Variants in SPNS3 observed in about 807,000 individuals in gnomAD.
The protein encoded by SPNS3 is SPNS lysolipid transporter 3, sphingosine-1-phosphate (putative).
Under a neutral mutation model 54.4 loss-of-function variants are expected in SPNS3, and 51 were observed. The observed-to-expected ratio is 0.94, with a 90% CI of 0.75 to 1.18. The LOEUF (loss-of-function observed/expected upper bound fraction) is 1.18. Among genes scored for constraint, SPNS3 ranks in the 50% most tolerant of loss-of-function variants. The pLI is 0.00. For synonymous variants in SPNS3, 309 were observed against 294.7 expected, an observed-to-expected ratio of 1.05 and a Z score of -0.50; for missense variants, 669 against 677.4, an observed-to-expected ratio of 0.99 and a Z score of 0.14.
At chr17:4,473,180 G>A (rs1971904050) in intron 8 of SPNS3, among the ~76,000 whole-genome samples, 1 of 151,976 alleles carries the variant, frequency 6.6e-6, no homozygotes. Flanking sequence ...GCTTCTGTGT[G>A]GGAACTCAAG....
chr17:4,467,959 C>T (rs9916358), intron 8 of SPNS3, among the ~76,000 whole-genome samples: 10,278 of 152,278 alleles, frequency 0.067, 1,046 homozygotes, highest in African/African-American at 0.23. Flanking sequence ...GCATGGGCGA[C>T]GGCGCCTGGC....
intron 8 of SPNS3, among the ~76,000 whole-genome samples, chr17:4,454,927 T>TA (rs1971265623): frequency 6.7e-6 from 1 of 148,778 alleles, no homozygotes; most frequent in Non-Finnish European, 1.5e-5. Context: ...CCAGCCTTTT[T>TA]TTTTGAGACT....
intron 1 of SPNS3, among the ~76,000 whole-genome samples, chr17:4,438,653 G>A (rs746336147): frequency 3.9e-5 from 6 of 152,230 alleles, no homozygotes; most frequent in Non-Finnish European, 5.9e-5. Context: ...GCCAGGACAC[G>A]TTCGTCTTTT....
intron 9 of SPNS3, among the ~76,000 whole-genome samples, chr17:4,481,584 G>C (rs1171627651): frequency 6.6e-6 from 1 of 152,212 alleles, no homozygotes; most frequent in Non-Finnish European, 1.5e-5. Flanking sequence ...GTTGGAGCCT[G>C]TGGGTTAGGT....
intron 8 of SPNS3, among the ~76,000 whole-genome samples, chr17:4,460,242 T>G (rs1971460145): frequency 6.6e-6 from 1 of 152,034 alleles, no homozygotes. Context: ...GAGATGGAGT[T>G]TTGTTCTAAG....
At chr17:4,470,041 A>C (rs1306972510) in intron 8 of SPNS3, among the ~76,000 whole-genome samples, 1 of 152,198 alleles carries the variant, frequency 6.6e-6, no homozygotes, top group Non-Finnish European at 1.5e-5. Flanking sequence ...GTGTCTCTCT[A>C]TACATTCACA....
At chr17:4,467,708 G>T (rs117409397) in intron 8 of SPNS3, among the ~76,000 whole-genome samples, 1 of 152,100 alleles carries the variant, frequency 6.6e-6, no homozygotes, top group African/African-American at 2.4e-5. Flanking sequence ...TCGCTCTGTC[G>T]CCCACGCTGG....
rs1396355474 is a variant in SPNS3 at position 4,483,354 on chromosome 17, G to A, written c.1180-2874G>A. The stretch of plus-strand genomic sequence containing the variant: ...TGGGAACCCAAAGCCTCTTATTTCT[G>A]AAATTACCCCCTGGGCTCTCCAGCT... On this transcript the variant is annotated intron_variant, in intron 9 of 11. Coordinates refer to ENST00000355530, the MANE Select transcript of SPNS3 (RefSeq NM_182538.5). The surrounding 1 kb of genome is among the most constrained non-coding windows in gnomAD (Gnocchi z 4.2). 1 of 152,348 alleles carries A rather than the reference G, an allele frequency of 6.6e-6. No homozygotes were observed. Among genetic ancestry groups the A allele is most frequent in the East Asian group, 1.9e-4 (1 of 5,190 alleles). The allele number at this position is 152,348 out of a possible 1,614,324, so 9.4% of individuals were successfully genotyped here.
At chr17:4,478,783 G>A in intron 9 of SPNS3, 146 bp downstream of exon 9, 2 of 742,784 alleles carry the variant, frequency 2.7e-6, no homozygotes, top group Non-Finnish European at 4.4e-6. Flanking sequence ...TGGACCAGAG[G>A]CCTCTCTGAC....
chr17:4,488,079 G>C lies in SPNS3; in HGVS notation c.*185G>C. The C allele has an allele frequency of 1.6e-6, 1 of 614,230 alleles. No individual in the cohort carries two copies. The allele number at this position is 614,230 out of a possible 1,614,324, so 38.0% of individuals were successfully genotyped here. On this transcript the variant is annotated 3_prime_UTR_variant, in exon 12 of 12. Coordinates refer to ENST00000355530, the MANE Select transcript of SPNS3 (RefSeq NM_182538.5). ...GGGAATGGAGCTGTCAGCACTCTGC[G>C]TGGGAGGCCTGGGCCTGTGCCTGCA...
At chr17:4,455,077 C>A (rs1351975457) in intron 8 of SPNS3, among the ~76,000 whole-genome samples, 1 of 151,906 alleles carries the variant, frequency 6.6e-6, no homozygotes, top group African/African-American at 2.4e-5. Flanking sequence ...CCACGCCCAG[C>A]TAATTTTTGT....
chr17:4,437,845 G>A (rs2143977848), intron 1 of SPNS3, among the ~76,000 whole-genome samples: 1 of 149,578 alleles, frequency 6.7e-6, no homozygotes, highest in African/African-American at 2.5e-5. Flanking sequence ...GGAGTGCAGT[G>A]GCATGATCTC....
intron 8 of SPNS3, among the ~76,000 whole-genome samples, chr17:4,467,941 G>A (rs188163391): frequency 2.1e-4 from 32 of 152,362 alleles, no homozygotes; most frequent in Admixed American, 5.9e-4. Context: ...AGAGTGCTGG[G>A]ATTACAGGCA....
chr17:4,449,495 G>C (rs1164995297), intron 7 of SPNS3, 108 bp downstream of exon 7: 22 of 1,325,632 alleles, frequency 1.7e-5, no homozygotes, highest in Non-Finnish European at 1.0e-6. Flanking sequence ...TGGGGCATTT[G>C]GTGCTGTGTG....
chr17:4,449,867 C>T (rs749905496), intron 7 of SPNS3, among the ~76,000 whole-genome samples: 2 of 152,122 alleles, frequency 1.3e-5, no homozygotes, highest in African/African-American at 2.4e-5. Flanking sequence ...GAGGCGCGGG[C>T]ACTCTGCCCT....
At chr17:4,471,477 T>G (rs1971852970) in intron 8 of SPNS3, among the ~76,000 whole-genome samples, 1 of 152,200 alleles carries the variant, frequency 6.6e-6, no homozygotes. Context: ...ATTTATTTAT[T>G]TATTTTGAGA....
rs557775786 is a variant in SPNS3 at position 4,445,100 on chromosome 17, G to C, written c.334G>C (p.Ala112Pro). Residue 112 changes from alanine to proline, a missense_variant, in exon 3 of 12, where the codon GCT (alanine) becomes CCT (proline). Coordinates refer to ENST00000355530, the MANE Select transcript of SPNS3 (RefSeq NM_182538.5). Reference protein sequence around the residue: ...GYLGDRHSRKATMSFGILLWS... With the variant: ...GYLGDRHSRKPTMSFGILLWS... ...CCTGGGCGACCGACATAGCCGCAAG[G>C]CTACCATGAGCTTCGGTATCTTGCT... The C allele has an allele frequency of 6.2e-7, 1 of 1,614,166 alleles. No homozygotes were observed. Among genetic ancestry groups the C allele is most frequent in the African/African-American group, 1.3e-5 (1 of 75,052 alleles).
chr17:4,473,081 G>A (rs905822792), intron 8 of SPNS3, among the ~76,000 whole-genome samples: 9 of 152,040 alleles, frequency 5.9e-5, no homozygotes, highest in South Asian at 2.1e-4. Flanking sequence ...GAGCCACTGC[G>A]CCTGGCTGCC....
At chr17:4,455,461 G>T (rs79182114) in intron 8 of SPNS3, among the ~76,000 whole-genome samples, 1 of 152,220 alleles carries the variant, frequency 6.6e-6, no homozygotes, top group Non-Finnish European at 1.5e-5. Flanking sequence ...CCAGAGGCGG[G>T]GTGTGGGGGG....
Sources: allele counts gnomAD v4.1 joint callset (sites outside exome capture counted in the v4.1 genomes callset), GRCh38; gene constraint gnomAD v4.1.1; non-coding constraint Gnocchi (gnomAD v3.1); transcripts MANE v1.5; gene names NCBI Gene and HGNC (gene_info 2026-07-23, HGNC 2026-07-21).